The following FAM135B variants were observed in gnomAD, a reference collection of about 807,000 sequenced individuals.
FAM135B encodes the protein protein FAM135B.
Under a neutral mutation model 127.7 loss-of-function variants are expected in FAM135B, and 43 were observed. That is an observed-to-expected ratio of 0.34 (90% CI 0.26 to 0.43). The LOEUF is 0.43. FAM135B is among the 20% of genes least tolerant of loss of function. The pLI, the probability that FAM135B is intolerant of heterozygous loss-of-function variation, is 1.00. For missense variants in FAM135B, 1,558 were observed against 1,725.6 expected, an observed-to-expected ratio of 0.90 and a Z score of 1.72; for synonymous variants, 670 against 665.1, an observed-to-expected ratio of 1.01 and a Z score of -0.11.
intron 2 of FAM135B, among the ~76,000 whole-genome samples, chr8:138,312,318 C>A (rs1203880791): frequency 2.0e-5 from 3 of 152,078 alleles, no homozygotes; most frequent in Admixed American, 1.3e-4. Context: ...CATACTTTAC[C>A]CTATTTTTCT....
At chr8:138,364,313 G>T (rs561370072) in intron 2 of FAM135B, among the ~76,000 whole-genome samples, 1 of 152,274 alleles carries the variant, frequency 6.6e-6, no homozygotes, top group South Asian at 2.1e-4. Context: ...GTCCACAGCT[G>T]CCCAAAGGCA....
intron 1 of FAM135B, among the ~76,000 whole-genome samples, chr8:138,455,019 A>T: frequency 6.6e-6 from 1 of 152,244 alleles, no homozygotes; most frequent in East Asian, 1.9e-4. Flanking sequence ...TAGGGAACCT[A>T]GCTGAAATTG....
intron 2 of FAM135B, among the ~76,000 whole-genome samples, chr8:138,317,708 C>A (rs921160127): frequency 2.0e-5 from 3 of 152,196 alleles, no homozygotes; most frequent in Admixed American, 2.0e-4. Flanking sequence ...CCTACAGGGG[C>A]CAGGCAAATT....
intron 11 of FAM135B, among the ~76,000 whole-genome samples, chr8:138,170,736 T>A (rs2130921460): frequency 6.6e-6 from 1 of 152,258 alleles, no homozygotes; most frequent in Non-Finnish European, 1.5e-5. Context: ...TTAGTGTGGA[T>A]TAGAATGACT....
chr8:138,367,785 C>A (rs1563941165), intron 2 of FAM135B, 122 bp downstream of exon 2: 3 of 734,204 alleles, frequency 4.1e-6, no homozygotes, highest in South Asian at 3.5e-5. Context: ...CAATGAAAAT[C>A]TTTTCTTCGT....
chr8:138,346,871 C>G (rs542442522), intron 2 of FAM135B, among the ~76,000 whole-genome samples: 2 of 152,290 alleles, frequency 1.3e-5, no homozygotes, highest in East Asian at 3.9e-4. Context: ...AAATGTTCAA[C>G]TGAAGGCCTG....
chr8:138,397,886 T>C (rs983409271), intron 1 of FAM135B, among the ~76,000 whole-genome samples: 7 of 152,158 alleles, frequency 4.6e-5, no homozygotes, highest in Admixed American at 2.0e-4. Flanking sequence ...AAGGAAGGAT[T>C]CATGCCCCTC....
intron 1 of FAM135B, among the ~76,000 whole-genome samples, chr8:138,445,373 T>C (rs1378799810): frequency 6.6e-6 from 1 of 152,134 alleles, no homozygotes; most frequent in Non-Finnish European, 1.5e-5. Flanking sequence ...TAGACCAATA[T>C]CCTTGATGAA....
chr8:138,374,593 A>T (rs1224481705), intron 1 of FAM135B, among the ~76,000 whole-genome samples: 1 of 152,230 alleles, frequency 6.6e-6, no homozygotes, highest in Non-Finnish European at 1.5e-5. Context: ...ACCAGACAAC[A>T]GACTCTAGGC....
At chr8:138,163,849 G>T (rs919341725) in intron 12 of FAM135B, among the ~76,000 whole-genome samples, 3 of 152,012 alleles carry the variant, frequency 2.0e-5, no homozygotes, top group South Asian at 2.1e-4. Context: ...TAGAGACAGG[G>T]TCTCACCTGT....
At chr8:138,485,502 A>C (rs1306491989) in intron 1 of FAM135B, among the ~76,000 whole-genome samples, 1 of 152,236 alleles carries the variant, frequency 6.6e-6, no homozygotes, top group Non-Finnish European at 1.5e-5. Flanking sequence ...CTATGTGCCA[A>C]GTATTACAAT....
chr8:138,324,588 C>T (rs1386296980), intron 2 of FAM135B, among the ~76,000 whole-genome samples: 2 of 152,166 alleles, frequency 1.3e-5, no homozygotes, highest in East Asian at 3.8e-4. Context: ...TACTTTGATA[C>T]CTGACAGTGT....
intron 1 of FAM135B, among the ~76,000 whole-genome samples, chr8:138,452,004 T>A (rs1836512088): frequency 6.6e-6 from 1 of 152,162 alleles, no homozygotes; most frequent in Admixed American, 6.5e-5. Flanking sequence ...TTAAGTTGCA[T>A]TTAAATGCAG....
At chr8:138,266,775 T>TAC (rs1822967716) in intron 3 of FAM135B, among the ~76,000 whole-genome samples, 3 of 141,236 alleles carry the variant, frequency 2.1e-5, no homozygotes, top group East Asian at 2.1e-4. Flanking sequence ...AATACATATA[T>TAC]ATACACACAC....
intron 1 of FAM135B, among the ~76,000 whole-genome samples, chr8:138,410,995 C>A (rs1291861066): frequency 7.2e-6 from 1 of 139,076 alleles, no homozygotes; most frequent in Non-Finnish European, 1.5e-5. Context: ...AAAGAGGATA[C>A]AAACAAATGG....
intron 3 of FAM135B, among the ~76,000 whole-genome samples, chr8:138,300,265 T>TC: frequency 2.8e-5 from 1 of 35,830 alleles, no homozygotes; most frequent in Non-Finnish European, 1.5e-4. Context: ...TTGGGAATAA[T>TC]TAAAAAAAAA....
chr8:138,206,772 G>GCATCCCCTCCACCTACACACAACTCTAT (rs1227627271), intron 7 of FAM135B, among the ~76,000 whole-genome samples: 1 of 11,560 alleles, frequency 8.7e-5, no homozygotes, highest in Non-Finnish European at 1.8e-4. Flanking sequence ...CACAATTCCA[G>GCATCCCCTCCACCTACACACAACTCTAT]CATCCCCTCC....
chr8:138,492,419 G>C (rs1018079409), intron 1 of FAM135B, among the ~76,000 whole-genome samples: 2 of 151,904 alleles, frequency 1.3e-5, no homozygotes. Flanking sequence ...CTGAAGTCAA[G>C]CATCTCTGCA....
chr8:138,487,206 C>T (rs1035260311), intron 1 of FAM135B, among the ~76,000 whole-genome samples: 1 of 152,128 alleles, frequency 6.6e-6, no homozygotes, highest in Non-Finnish European at 1.5e-5. Flanking sequence ...TTAGTTTTCA[C>T]CAGAGAATAC....
Sources: allele counts gnomAD v4.1 joint callset (sites outside exome capture counted in the v4.1 genomes callset), GRCh38; gene constraint gnomAD v4.1.1; transcripts MANE v1.5; gene names NCBI Gene and HGNC (gene_info 2026-07-23, HGNC 2026-07-21).